LIMCH1: variants seen among roughly 807,000 people sequenced by gnomAD.
LIMCH1 encodes the protein LIM and calponin homology domains-containing protein 1.
In LIMCH1, 113 loss-of-function variants were observed where a neutral mutation model predicts 176.5. The observed-to-expected ratio is 0.64, with a 90% CI of 0.55 to 0.75. LIMCH1 has a LOEUF of 0.75. Ranked by LOEUF, LIMCH1 falls within the 30% of genes least tolerant of loss-of-function variation. LIMCH1 has a pLI of 0.00. For synonymous variants in LIMCH1, 619 were observed against 645.9 expected, an observed-to-expected ratio of 0.96 and a Z score of 0.63; for missense variants, 1,674 against 1,814.9, an observed-to-expected ratio of 0.92 and a Z score of 1.41.
At position 41,681,001 on chromosome 4, in the gene LIMCH1, C is replaced by G; in HGVS notation, c.3659C>G (p.Ser1220Ter). The change falls in exon 25 of 32, where the codon TCA becomes TGA. Residue 1220 changes from serine to a stop codon, truncating the protein, a stop_gained. Coordinates refer to ENST00000503057, the MANE Select transcript of LIMCH1 (RefSeq NM_001330672.2). LOFTEE classifies it high-confidence loss of function. The stretch of plus-strand genomic sequence containing the variant: ...ACTGTGGTTCCATTTACTGTTTCTT[C>G]AAGTTCCGCTGACCAGCTGTCTACC... ...EDTVVPFTVS[S>*]SSADQLSTSS... The G allele has an allele frequency of 1.2e-6, 2 of 1,612,736 alleles. No homozygotes were observed. The highest frequency in any genetic ancestry group is 1.7e-6 in the Non-Finnish European group (2 of 1,178,872).
chr4:41,562,127 T>C (rs892210968), intron 1 of LIMCH1, among the ~76,000 whole-genome samples: 3 of 152,162 alleles, frequency 2.0e-5, no homozygotes, highest in East Asian at 1.9e-4. Flanking sequence ...GGGCCAGATA[T>C]GGGCATGAAA....
At chr4:41,371,094 A>G (rs1381607208) in intron 1 of LIMCH1, among the ~76,000 whole-genome samples, 1 of 152,190 alleles carries the variant, frequency 6.6e-6, no homozygotes, top group Non-Finnish European at 1.5e-5. Context: ...CAGAGTTAGT[A>G]TTTGGGACCC....
At chr4:41,492,676 T>A (rs2071306606) in intron 1 of LIMCH1, among the ~76,000 whole-genome samples, 1 of 152,352 alleles carries the variant, frequency 6.6e-6, no homozygotes, top group African/African-American at 2.4e-5. Context: ...TTGATTTTTC[T>A]CTCTACTTGT....
chr4:41,528,039 G>C (rs1286517190), intron 3 of LIMCH1, among the ~76,000 whole-genome samples: 2 of 152,056 alleles, frequency 1.3e-5, no homozygotes, highest in African/African-American at 2.4e-5. Flanking sequence ...TGGATTTCCT[G>C]TATGCGATAG....
At position 41,687,467 on chromosome 4, in the gene LIMCH1, C is replaced by T. The variant is rs560556197; in HGVS notation, c.4089-373C>T. ...ATCTTTCCCCTTCCACGGAGTCCAT[C>T]GTTTTTATATCTAATTAGCATGCCA... is the stretch of plus-strand genomic sequence containing the variant. On this transcript the variant is annotated intron_variant, in intron 28 of 31. Transcript: ENST00000503057. Among the ~76,000 whole-genome samples the T allele has an allele frequency of 1.8e-3, 281 of 152,218 alleles. 1 individual carries two copies. The highest frequency in any genetic ancestry group is 6.3e-3 in the African/African-American group (261 of 41,534).
intron 1 of LIMCH1, among the ~76,000 whole-genome samples, chr4:41,543,518 GCTTTCTTCTTTGT>G (rs1384086110): frequency 1.3e-5 from 2 of 152,076 alleles, no homozygotes; most frequent in Non-Finnish European, 2.9e-5. Context: ...CCAAATTAAA[GCTTTCTTCTTTGT>G]CTTTGAGCAC....
chr4:41,604,006 A>G (rs1255029986), intron 3 of LIMCH1, 101 bp downstream of exon 3: 15 of 1,111,226 alleles, frequency 1.3e-5, no homozygotes, highest in Non-Finnish European at 1.9e-5. Context: ...AGTCCTTAGA[A>G]AAAAGTATAT....
At chr4:41,504,440 A>G (rs1462757417) in intron 2 of LIMCH1, among the ~76,000 whole-genome samples, 1 of 152,192 alleles carries the variant, frequency 6.6e-6, no homozygotes, top group Non-Finnish European at 1.5e-5. Context: ...TCATCAGAAC[A>G]ATTCCTTTTT....
intron 28 of LIMCH1, among the ~76,000 whole-genome samples, chr4:41,686,509 C>G (rs1237755907): frequency 6.6e-6 from 1 of 152,152 alleles, no homozygotes; most frequent in African/African-American, 2.4e-5. Context: ...CATATTTGAG[C>G]CAGAGATACC....
Position 41,650,618 on chromosome 4 carries a change from A to G in LIMCH1, c.3036+10A>G, listed in dbSNP as rs764349096. The G allele has an allele frequency of 3.7e-6, 6 of 1,603,792 alleles. No homozygotes were observed. The South Asian group carries it at 4.4e-5, about 12-fold the overall frequency. On this transcript the variant is annotated intron_variant, in intron 18 of 31. Coordinates refer to ENST00000503057, the MANE Select transcript of LIMCH1 (RefSeq NM_001330672.2). Reference sequence around the variant, plus strand: ...TCCCCAAGAGCTCGCAGTAAGAACCAAACATTTCCCCGCCTCCCTTTGGGA... The same window carrying G: ...TCCCCAAGAGCTCGCAGTAAGAACCGAACATTTCCCCGCCTCCCTTTGGGA...
upstream of LIMCH1, chr4:41,360,548 C>G (rs1025622682): frequency 4.0e-5 from 8 of 201,390 alleles, no homozygotes; most frequent in Non-Finnish European, 5.0e-5. The surrounding 1 kb of genome is among the most constrained non-coding windows in gnomAD (Gnocchi z 4.5). Flanking sequence ...CTGTGCTCCC[C>G]CTCCCCGGGG....
chr4:41,551,720 G>A (rs1039616068), intron 1 of LIMCH1, among the ~76,000 whole-genome samples: 2 of 152,126 alleles, frequency 1.3e-5, no homozygotes, highest in Non-Finnish European at 2.9e-5. Context: ...TAATTTCAGT[G>A]TCTATAAACA....
chr4:41,656,175 A>G (rs572715658), intron 18 of LIMCH1, among the ~76,000 whole-genome samples: 2 of 152,204 alleles, frequency 1.3e-5, no homozygotes, highest in Non-Finnish European at 2.9e-5. Context: ...TTGAAAATTC[A>G]GTACTTATGT....
At chr4:41,567,161 G>C (rs913408654) in intron 1 of LIMCH1, among the ~76,000 whole-genome samples, 1 of 152,148 alleles carries the variant, frequency 6.6e-6, no homozygotes, top group African/African-American at 2.4e-5. Context: ...CTGAGGTTAA[G>C]GGGGGGACCT....
At chr4:41,595,879 A>G (rs1046450974) in intron 1 of LIMCH1, among the ~76,000 whole-genome samples, 1 of 151,898 alleles carries the variant, frequency 6.6e-6, no homozygotes, top group African/African-American at 2.4e-5. Flanking sequence ...GTGAAACTTC[A>G]TCTCTACTAA....
chr4:41,482,103 T>G (rs552989833), intron 1 of LIMCH1, among the ~76,000 whole-genome samples: 1 of 152,198 alleles, frequency 6.6e-6, no homozygotes, highest in Non-Finnish European at 1.5e-5. Context: ...TGCCTGCCTA[T>G]GCGATCTGCC....
intron 1 of LIMCH1, among the ~76,000 whole-genome samples, chr4:41,410,557 T>G (rs891474038): frequency 6.6e-5 from 10 of 152,150 alleles, no homozygotes; most frequent in Non-Finnish European, 1.3e-4. Context: ...GACCAGGGTG[T>G]GATAGCTCTG....
intron 1 of LIMCH1, among the ~76,000 whole-genome samples, chr4:41,580,672 A>G (rs2085266966): frequency 6.6e-6 from 1 of 152,176 alleles, no homozygotes. Flanking sequence ...GGAATTAATA[A>G]AGATAAAAGC....
chr4:41,448,777 C>T (rs891892969), intron 1 of LIMCH1, among the ~76,000 whole-genome samples: 4 of 151,950 alleles, frequency 2.6e-5, no homozygotes, highest in African/African-American at 7.3e-5. Flanking sequence ...GCGGACACCT[C>T]GAGAGAAAAG....
Sources: gnomAD v4.1 joint callset for allele counts (sites outside exome capture counted in the v4.1 genomes callset) on GRCh38, gnomAD v4.1.1 for gene constraint, Gnocchi (gnomAD v3.1) non-coding constraint, MANE v1.5 for transcripts, NCBI Gene and HGNC (gene_info 2026-07-23, HGNC 2026-07-21) for gene names.